The following RFX2 variants were observed in gnomAD, a reference collection of about 807,000 sequenced individuals.
RFX2 encodes the protein regulatory factor X2.
RFX2 carries 20 observed loss-of-function variants against 87.8 expected under a neutral mutation model. The ratio of observed to expected loss-of-function variants is 0.23; its 90% CI spans 0.16 to 0.33. The LOEUF (loss-of-function observed/expected upper bound fraction) is 0.33. RFX2 is among the 10% of genes least tolerant of loss of function. RFX2 has a pLI of 1.00. For missense variants in RFX2, 767 were observed against 1,012.3 expected (o/e 0.76, Z 3.29); for synonymous variants, 397 against 431.3 (o/e 0.92, Z 0.98).
rs1403574931 is a variant in RFX2 at position 6,013,739 on chromosome 19, T to C, written c.780-634A>G. ...GAGTAGCTGACGTGTGCCACCACAC[T>C]CGGATCTTGACCTTTCACTTTGGCC... is the stretch of plus-strand genomic sequence containing the variant. On this transcript the variant is annotated intron_variant, in intron 7 of 17. Transcript: ENST00000303657. The surrounding 1 kb of genome is among the most constrained non-coding windows in gnomAD (Gnocchi z 4.1). Among the ~76,000 whole-genome samples the C allele has an allele frequency of 6.6e-6, 1 of 152,204 alleles. No homozygotes were observed. The highest frequency in any genetic ancestry group is 2.4e-5 in the African/African-American group (1 of 41,442).
intron 9 of RFX2, among the ~76,000 whole-genome samples, chr19:6,009,261 C>T (rs148792721): frequency 3.2e-4 from 48 of 152,278 alleles, no homozygotes; most frequent in Non-Finnish European, 5.9e-4. Context: ...AGATCATAAA[C>T]GACATGGAAG....
chr19:5,994,455 T>C lies in RFX2; in HGVS notation c.*380A>G, dbSNP rs1460328686. ...TTAATTTTTAAAATCATGGTGAAAA[T>C]TGGTTCCAGTTGAGTGCAGAGGCCA... is the stretch of plus-strand genomic sequence containing the variant. On this transcript the variant is annotated 3_prime_UTR_variant, in exon 18 of 18. Coordinates refer to ENST00000303657, the MANE Select transcript of RFX2 (RefSeq NM_000635.4). The C allele has an allele frequency of 5.5e-6, 1 of 180,826 alleles. No homozygotes were observed. Among genetic ancestry groups the C allele is most frequent in the Non-Finnish European group, 1.1e-5 (1 of 87,578 alleles). 11.2% of individuals were successfully genotyped at this position (180,826 alleles called of 1,614,324 possible).
chr19:6,028,017 C>T lies in RFX2; in HGVS notation c.523-1780G>A, dbSNP rs147937568. ...CCTCAAGTGATCCGCCCACCTCGGC[C>T]TCCCAAAGTTCTGGGATTACAGGCA... On this transcript the variant is annotated intron_variant, in intron 5 of 17. Coordinates refer to ENST00000303657, the MANE Select transcript of RFX2 (RefSeq NM_000635.4). 2.4e-3 allele frequency among the ~76,000 whole-genome samples: 371 copies of T among 152,320 alleles called. 2 individuals are homozygous for T. Among genetic ancestry groups the T allele is most frequent in the Middle Eastern group, 0.01 (3 of 294 alleles).
At chr19:6,037,779 A>G (rs2087044313) in intron 5 of RFX2, among the ~76,000 whole-genome samples, 1 of 152,190 alleles carries the variant, frequency 6.6e-6, no homozygotes, top group Non-Finnish European at 1.5e-5. Context: ...TATAGTAATT[A>G]AGACTATGCT....
In RFX2 at chr19:6,047,425, A is replaced by C. The variant is rs1204882129; in HGVS notation, c.72T>G (p.Pro24=). Residue 24 remains proline, a synonymous_variant, in exon 2 of 18, where the codon CCT becomes CCG. Transcript: ENST00000303657. The surrounding 1 kb of genome is among the most constrained non-coding windows in gnomAD (Gnocchi z 4.2). ...VALRPSAAAP[P]VPASPQRVLV... ...GCGTTACCTGCGGGGAGGCTGGCAC[A>C]GGCGGGGCTGCCGCCGAGGGACGCA... is the stretch of plus-strand genomic sequence containing the variant. The C allele has an allele frequency of 1.3e-6, 2 of 1,598,858 alleles. No homozygotes were observed. Among genetic ancestry groups the C allele is most frequent in the African/African-American group, 2.7e-5 (2 of 74,720 alleles).
intron 1 of RFX2, among the ~76,000 whole-genome samples, chr19:6,092,699 C>G (rs2087955995): frequency 6.9e-6 from 1 of 145,412 alleles, no homozygotes; most frequent in Non-Finnish European, 1.5e-5. Context: ...GCTAAGCTGA[C>G]AGGGAACACG....
chr19:6,029,200 G>A (rs568957789), intron 5 of RFX2, among the ~76,000 whole-genome samples: 12 of 150,894 alleles, frequency 8.0e-5, no homozygotes, highest in South Asian at 6.3e-4. Flanking sequence ...AATATTCAGC[G>A]TCACCATGTT....
intron 1 of RFX2, among the ~76,000 whole-genome samples, chr19:6,054,524 A>T (rs1441229589): frequency 1.3e-5 from 2 of 152,210 alleles, no homozygotes; most frequent in Non-Finnish European, 2.9e-5. Flanking sequence ...TAAATAATAT[A>T]ACCCACACTT....
rs1034198575 is a variant in RFX2 at position 6,068,640 on chromosome 19, G to A, written c.-8-21136C>T. On this transcript the variant is annotated intron_variant, in intron 1 of 17. Transcript: ENST00000303657. ...CTGGGGAAGAGCGTTCCTAATGGAG[G>A]GAAAAGCCAGTACAAAGGCCCCGAG... Among the ~76,000 whole-genome samples the A allele has an allele frequency of 5.9e-5, 9 of 152,166 alleles. 1 individual carries two copies. Among genetic ancestry groups the A allele is most frequent in the Admixed American group, 1.3e-4 (2 of 15,282 alleles).
chr19:6,042,617 AC>A (rs1417068182), intron 3 of RFX2, among the ~76,000 whole-genome samples: 1 of 151,448 alleles, frequency 6.6e-6, no homozygotes. Flanking sequence ...TGGCCCCAAC[AC>A]CCCCCGTGGG....
At position 5,997,039 on chromosome 19, in the gene RFX2, C is replaced by T; in HGVS notation, c.2013+21G>A. The T allele has an allele frequency of 6.3e-7, 1 of 1,598,816 alleles. No homozygotes were observed. ...ACAGGCCCGGCCAAGCCCCGGCCGT[C>T]CCACCCAGGAGGGTCCTCACCTCTC... On this transcript the variant is annotated intron_variant, in intron 16 of 17. Transcript: ENST00000303657. This position sits in a 1 kb window ranked among gnomAD's most constrained non-coding sequence, Gnocchi z 4.2.
chr19:6,009,985 T>A (rs1253641173), intron 9 of RFX2, 151 bp downstream of exon 9: 2 of 503,850 alleles, frequency 4.0e-6, no homozygotes, highest in Non-Finnish European at 7.1e-6. Flanking sequence ...AAAGAAGGTT[T>A]ATCGAAAACT....
In RFX2 at chr19:6,002,443, A is replaced by G. The variant is rs1043341915; in HGVS notation, c.1650+278T>C. Among the ~76,000 whole-genome samples, 1 of 152,242 alleles carries G rather than the reference A, an allele frequency of 6.6e-6. No individual in the cohort carries two copies. Among genetic ancestry groups the G allele is most frequent in the African/African-American group, 2.4e-5 (1 of 41,472 alleles). On this transcript the variant is annotated intron_variant, in intron 14 of 17. Coordinates refer to ENST00000303657, the MANE Select transcript of RFX2 (RefSeq NM_000635.4). This position sits in a 1 kb window ranked among gnomAD's most constrained non-coding sequence, Gnocchi z 6.7. ...CAGGAAAATGGCCACAGGGAGGTCA[A>G]CGTGGTGCCACGATCCTGGAAGCTG...
chr19:6,051,011 GA>G (rs747197929), intron 1 of RFX2, among the ~76,000 whole-genome samples: 3 of 152,090 alleles, frequency 2.0e-5, no homozygotes, highest in African/African-American at 2.4e-5. Context: ...TGCTGGGGGG[GA>G]AAACCCTATC....
chr19:6,073,653 T>C (rs2087641379), intron 1 of RFX2: 3 of 261,430 alleles, frequency 1.1e-5, no homozygotes, highest in Admixed American at 5.1e-5. Flanking sequence ...CAATTAAAGA[T>C]GGAAAGAAGG....
chr19:6,013,184 CT>C lies in RFX2; in HGVS notation c.780-80del. The C allele has an allele frequency of 7.3e-6, 10 of 1,375,708 alleles. No individual in the cohort carries two copies. The highest frequency in any genetic ancestry group is 9.7e-6 in the Non-Finnish European group (10 of 1,035,228). The allele number at this position is 1,375,708 out of a possible 1,614,324, so 85.2% of individuals were successfully genotyped here. ...AGACAGGTTGGGATTCTTTTTCTTT[CT>C]TTCTTCTTTTTTTTTTTTGAGACAG... On this transcript the variant is annotated intron_variant, in intron 7 of 17. Coordinates refer to ENST00000303657, the MANE Select transcript of RFX2 (RefSeq NM_000635.4). The surrounding 1 kb of genome is among the most constrained non-coding windows in gnomAD (Gnocchi z 4.1).
intron 5 of RFX2, among the ~76,000 whole-genome samples, chr19:6,034,658 A>G (rs1260881920): frequency 6.6e-6 from 1 of 152,216 alleles, no homozygotes. Flanking sequence ...CACTGTGCCC[A>G]GGTGACTTTT....
In RFX2 at chr19:6,026,578, G is replaced by A; in HGVS notation, c.523-341C>T. 9.2e-6 allele frequency: 3 copies of A among 326,356 alleles called. No homozygotes were observed. Among genetic ancestry groups the A allele is most frequent in the South Asian group, 2.9e-5 (1 of 35,016 alleles). 20.2% of individuals were successfully genotyped at this position (326,356 alleles called of 1,614,324 possible). A position where few individuals can be genotyped will look rare whatever the true frequency, so the allele number is the denominator to read the frequency against. Reference sequence around the variant, plus strand: ...ATATGCAGCCACTGCATCCATTCCAGTGTCAGCCAAGCCAGCATCATAGTC... The same window carrying A: ...ATATGCAGCCACTGCATCCATTCCAATGTCAGCCAAGCCAGCATCATAGTC... On this transcript the variant is annotated intron_variant, in intron 5 of 17. Transcript: ENST00000303657. This position sits in a 1 kb window ranked among gnomAD's most constrained non-coding sequence, Gnocchi z 4.5.
rs2087085091 is a variant in RFX2 at position 6,040,062 on chromosome 19, C to A, written c.440G>T (p.Ser147Ile). ...MDVGGSPIVS[S>I]AGAYLIHGGM... Reference sequence around the variant, plus strand: ...CCCGTGGATGAGATAGGCTCCCGCGCTGGAGACGATGGGGCTCCCCCCGAC... The same window carrying A: ...CCCGTGGATGAGATAGGCTCCCGCGATGGAGACGATGGGGCTCCCCCCGAC... The change falls in exon 5 of 18, where the codon AGC (serine) becomes ATC (isoleucine). Residue 147 changes from serine to isoleucine, a missense_variant. By Grantham distance (142) the Ser-to-Ile change is moderately radical. Around this residue, in one of 2 missense-constraint regions of RFX2, gnomAD observed 621 missense variants for 873.0 expected, o/e 0.71. Coordinates refer to ENST00000303657, the MANE Select transcript of RFX2 (RefSeq NM_000635.4). This position sits in a 1 kb window ranked among gnomAD's most constrained non-coding sequence, Gnocchi z 6.1. 6.2e-7 allele frequency: 1 copy of A among 1,611,978 alleles called. No homozygotes were observed. Among genetic ancestry groups the A allele is most frequent in the African/African-American group, 1.3e-5 (1 of 74,886 alleles).
Sources: gnomAD v4.1 joint callset for allele counts (sites outside exome capture counted in the v4.1 genomes callset) on GRCh38, gnomAD v4.1.1 for gene constraint, gnomAD v4.1.1 regional missense constraint, Gnocchi (gnomAD v3.1) non-coding constraint, MANE v1.5 for transcripts, NCBI Gene and HGNC (gene_info 2026-07-23, HGNC 2026-07-21) for gene names.